Variants in PUS7L observed in about 807,000 individuals in gnomAD.
The protein encoded by PUS7L is pseudouridylate synthase PUS7L.
In PUS7L, 49 loss-of-function variants were observed where a neutral mutation model predicts 51.1. That is an observed-to-expected ratio of 0.96 (90% CI 0.76 to 1.22). The LOEUF is 1.22. PUS7L is among the 50% of genes most tolerant of loss of function. The pLI is 0.00. For missense variants in PUS7L, 828 were observed against 820.6 expected, an observed-to-expected ratio of 1.01 and a Z score of -0.11; for synonymous variants, 277 against 276.2, an observed-to-expected ratio of 1.00 and a Z score of -0.03.
chr12:43,742,685 G>A (rs1171666081), intron 4 of PUS7L, 130 bp from the exon 5 acceptor site: 26 of 1,268,790 alleles, frequency 2.0e-5, no homozygotes, highest in Non-Finnish European at 2.6e-5. Flanking sequence ...TACACATAGG[G>A]ACCAAATGGT....
chr12:43,727,782 A>G lies in PUS7L; in HGVS notation c.*2594T>C, dbSNP rs1944474522. The stretch of plus-strand genomic sequence containing the variant: ...AATAATTTGTATGCAGAACTCCCAC[A>G]AAATGCAATTTACCCATGTAACAAA... On this transcript the variant is annotated 3_prime_UTR_variant, in exon 9 of 9. Coordinates refer to ENST00000344862, the MANE Select transcript of PUS7L (RefSeq NM_031292.5). 1 of 152,200 alleles carries G rather than the reference A, an allele frequency of 6.6e-6. No homozygotes were observed. The highest frequency in any genetic ancestry group is 6.5e-5 in the Admixed American group (1 of 15,274). 9.4% of individuals were successfully genotyped at this position (152,200 alleles called of 1,614,324 possible). A position where few individuals can be genotyped will look rare whatever the true frequency, so the allele number is the denominator to read the frequency against.
intron 6 of PUS7L, among the ~76,000 whole-genome samples, chr12:43,736,887 T>C (rs1473054558): frequency 1.4e-5 from 2 of 144,740 alleles, no homozygotes; most frequent in Admixed American, 6.8e-5. Flanking sequence ...AAGCCAAGAA[T>C]CCAACATTAG....
intron 4 of PUS7L, among the ~76,000 whole-genome samples, chr12:43,744,593 A>G (rs566278205): frequency 1.3e-5 from 2 of 152,218 alleles, no homozygotes; most frequent in Non-Finnish European, 2.9e-5. Flanking sequence ...CAGCATGAGA[A>G]TGGACTAACA....
At chr12:43,749,667 C>G (rs187277757) in intron 2 of PUS7L, among the ~76,000 whole-genome samples, 1 of 151,932 alleles carries the variant, frequency 6.6e-6, no homozygotes, top group East Asian at 1.9e-4. Context: ...GAGACCCTGT[C>G]TCAAAGAAAA....
At chr12:43,758,365 G>C in intron 1 of PUS7L, 1 of 985,620 alleles carries the variant, frequency 1.0e-6, no homozygotes, top group Non-Finnish European at 1.2e-6. Context: ...GCTGCTGACA[G>C]TGGGCGGGGG....
chr12:43,731,491 A>G (rs1212157149), intron 8 of PUS7L, among the ~76,000 whole-genome samples: 1 of 152,160 alleles, frequency 6.6e-6, no homozygotes, highest in Non-Finnish European at 1.5e-5. Context: ...TTTATGATTG[A>G]TATTTGTGGT....
At chr12:43,758,312 G>A (rs1767672617) in intron 1 of PUS7L, 2 of 985,324 alleles carry the variant, frequency 2.0e-6, no homozygotes, top group African/African-American at 3.5e-5. Flanking sequence ...GAGCCCACGT[G>A]GCGTTAAGCC....
rs1473504164 is a variant in PUS7L, at chr12:43,728,469, A to C, written c.*1907T>G. The C allele has an allele frequency of 6.6e-6, 1 of 152,150 alleles. No individual in the cohort carries two copies. Among genetic ancestry groups the C allele is most frequent in the East Asian group, 1.9e-4 (1 of 5,202 alleles). The allele number at this position is 152,150 out of a possible 1,614,324, so 9.4% of individuals were successfully genotyped here. The stretch of plus-strand genomic sequence containing the variant: ...TAACTCATTTTATGATTACATTTAT[A>C]GGATACGATTTATCATATAAAATAA... On this transcript the variant is annotated 3_prime_UTR_variant, in exon 9 of 9. Coordinates refer to ENST00000344862, the MANE Select transcript of PUS7L (RefSeq NM_031292.5).
At chr12:43,738,880 G>T in intron 5 of PUS7L, 1 of 281,050 alleles carries the variant, frequency 3.6e-6, no homozygotes, top group South Asian at 5.4e-5. Context: ...TATTTCCTAA[G>T]ACAGTGAAAA....
chr12:43,744,161 G>C (rs1938050563), intron 4 of PUS7L, among the ~76,000 whole-genome samples: 1 of 152,182 alleles, frequency 6.6e-6, no homozygotes, highest in South Asian at 2.1e-4. Flanking sequence ...TATCATTTTA[G>C]TAACAGTTTT....
rs1944417777 is a variant in PUS7L, at chr12:43,723,239, A to T, written c.*7137T>A. Reference sequence around the variant, plus strand: ...AAGTTGCTGAGAAAATGAATTGCTTAAGAAGATTAGAGTCATTTTCTTTAC... The same window carrying T: ...AAGTTGCTGAGAAAATGAATTGCTTTAGAAGATTAGAGTCATTTTCTTTAC... On this transcript the variant is annotated 3_prime_UTR_variant, in exon 9 of 9. Coordinates refer to ENST00000344862, the MANE Select transcript of PUS7L (RefSeq NM_031292.5). The T allele has an allele frequency of 6.6e-6, 1 of 152,116 alleles. No individual in the cohort carries two copies. Among genetic ancestry groups the T allele is most frequent in the Non-Finnish European group, 1.5e-5 (1 of 67,966 alleles). The allele number at this position is 152,116 out of a possible 1,614,324, so 9.4% of individuals were successfully genotyped here.
intron 5 of PUS7L, among the ~76,000 whole-genome samples, chr12:43,741,975 A>G (rs3101784): frequency 2.6e-5 from 4 of 152,184 alleles, no homozygotes; most frequent in Non-Finnish European, 5.9e-5. Context: ...TATAAATTAA[A>G]AGCAGATATA....
In PUS7L at chr12:43,749,866, G is replaced by A. The variant is rs555814382; in HGVS notation, c.911-1257C>T. ...ACTGGGTACACATAGACATAAAAAT[G>A]GAAACAATAGACACTGGGGTCTATA... On this transcript the variant is annotated intron_variant, in intron 2 of 8. Transcript: ENST00000344862. Among the ~76,000 whole-genome samples, 3 of 152,166 alleles carry A rather than the reference G, an allele frequency of 2.0e-5. No individual in the cohort carries two copies. In the East Asian group the frequency reaches 5.8e-4, roughly 29 times the overall value.
rs1055079910 is a variant in PUS7L, at chr12:43,721,063, A to G, written c.*9313T>C. ...ACAACACTTAAAGTGAATTTTCCCC[A>G]ACTTTCCTTAATGTCATAAAGTTTT... On this transcript the variant is annotated 3_prime_UTR_variant, in exon 9 of 9. Transcript: ENST00000344862. The G allele has an allele frequency of 1.3e-5, 2 of 152,170 alleles. No homozygotes were observed. The highest frequency in any genetic ancestry group is 4.8e-5 in the African/African-American group (2 of 41,442). 9.4% of individuals were successfully genotyped at this position (152,170 alleles called of 1,614,324 possible).
At chr12:43,731,578 A>G (rs1418510315) in intron 8 of PUS7L, 127 bp downstream of exon 8, 3 of 580,986 alleles carry the variant, frequency 5.2e-6, no homozygotes, top group Non-Finnish European at 9.2e-6. Context: ...ATTTAATTGT[A>G]TATAAATTAT....
rs551402616 is a variant in PUS7L at position 43,719,328 on chromosome 12, T to C, written c.*11048A>G. The C allele has an allele frequency of 1.2e-4, 19 of 152,266 alleles. No individual in the cohort carries two copies. In the South Asian group the frequency reaches 3.9e-3, roughly 32 times the overall value. 9.4% of individuals were successfully genotyped at this position (152,266 alleles called of 1,614,324 possible). A position where few individuals can be genotyped will look rare whatever the true frequency, so the allele number is the denominator to read the frequency against. On this transcript the variant is annotated 3_prime_UTR_variant, in exon 9 of 9. Coordinates refer to ENST00000344862, the MANE Select transcript of PUS7L (RefSeq NM_031292.5). Reference sequence around the variant, plus strand: ...TGTGTATTTTTTAGGAATGAATACATGGGTGGTAAAGCTATCAAGAAAAGT... The same window carrying C: ...TGTGTATTTTTTAGGAATGAATACACGGGTGGTAAAGCTATCAAGAAAAGT...
At position 43,754,395 on chromosome 12, in the gene PUS7L, G is replaced by A; in HGVS notation, c.851C>T (p.Ala284Val). ...AAGAGGCCTTTTCCCACGTTTGTGT[G>A]CTTTTTCCCGAAATCTTACTGTTAC... ...VVVTVRFREK[A>V]HKRGKRPLSE... Residue 284 changes from alanine to valine, a missense_variant, in exon 2 of 9, where the codon GCA becomes GTA. Coordinates refer to ENST00000344862, the MANE Select transcript of PUS7L (RefSeq NM_031292.5). 6.2e-7 allele frequency: 1 copy of A among 1,611,900 alleles called. No homozygotes were observed. The highest frequency in any genetic ancestry group is 1.7e-5 in the Admixed American group (1 of 59,478).
intron 7 of PUS7L, among the ~76,000 whole-genome samples, chr12:43,735,145 C>A (rs1342405789): frequency 6.6e-6 from 1 of 151,542 alleles, no homozygotes; most frequent in Non-Finnish European, 1.5e-5. Context: ...GAAACCCAGT[C>A]TCTACTAAAA....
intron 4 of PUS7L, among the ~76,000 whole-genome samples, chr12:43,743,408 G>A (rs1938000300): frequency 6.6e-6 from 1 of 152,110 alleles, no homozygotes; most frequent in Non-Finnish European, 1.5e-5. Context: ...TAAAAGATGC[G>A]GAGCCAATTT....
Sources: allele counts gnomAD v4.1 joint callset (sites outside exome capture counted in the v4.1 genomes callset), GRCh38; gene constraint gnomAD v4.1.1; transcripts MANE v1.5; gene names NCBI Gene and HGNC (gene_info 2026-07-23, HGNC 2026-07-21).